Variants in TRAK1 observed in about 807,000 individuals in gnomAD.
The protein encoded by TRAK1 is trafficking kinesin protein 1, also known as trafficking kinesin-binding protein 1.
Under a neutral mutation model 92.1 loss-of-function variants are expected in TRAK1, and 33 were observed. That is an observed-to-expected ratio of 0.36 (90% CI 0.27 to 0.48). The LOEUF (loss-of-function observed/expected upper bound fraction) is 0.48, where lower values mean the gene tolerates loss of function less well. Ranked by LOEUF, TRAK1 falls within the 20% of genes least tolerant of loss-of-function variation. The pLI, the probability that TRAK1 is intolerant of heterozygous loss-of-function variation, is 0.99. For missense variants in TRAK1, 1,123 were observed against 1,257.9 expected, an observed-to-expected ratio of 0.89 and a Z score of 1.62; for synonymous variants, 521 against 517.3, an observed-to-expected ratio of 1.01 and a Z score of -0.10.
intron 2 of TRAK1, among the ~76,000 whole-genome samples, chr3:42,174,477 A>G (rs1702944323): frequency 6.6e-6 from 1 of 151,932 alleles, no homozygotes. Context: ...GATAAAGGGT[A>G]TACAGGATCC....
Position 42,219,585 on chromosome 3 carries a change from G to A in TRAK1, c.2055G>A (p.Arg685=). The change falls in exon 15 of 16, where the codon CGG becomes CGA. Residue 685 remains arginine (R), a synonymous_variant. Coordinates refer to ENST00000327628, the MANE Select transcript of TRAK1 (RefSeq NM_001042646.3). ...TGCATCCTTCAGATGAGCTCACTCG[G>A]GTCACACCAAGGTAAGGGACCCTGG... ...RILHPSDELT[R]VTPSLNSAPT... The A allele has an allele frequency of 6.2e-7, 1 of 1,613,750 alleles. No individual in the cohort carries two copies. Among genetic ancestry groups the A allele is most frequent in the Non-Finnish European group, 8.5e-7 (1 of 1,179,896 alleles).
At chr3:42,205,241 C>G (rs1708192994) in intron 13 of TRAK1, among the ~76,000 whole-genome samples, 2 of 152,216 alleles carry the variant, frequency 1.3e-5, no homozygotes, top group Non-Finnish European at 1.5e-5. Context: ...GAGATCTGGA[C>G]CAGCACTAGG....
intron 2 of TRAK1, 61 bp downstream of exon 2, chr3:42,125,675 G>T: frequency 6.4e-7 from 1 of 1,567,524 alleles, no homozygotes; most frequent in South Asian, 1.2e-5. Context: ...CTTAGCCATG[G>T]CCCCAAATAA....
At chr3:42,062,196 C>T (rs1214479905) in intron 1 of TRAK1, among the ~76,000 whole-genome samples, 1 of 152,178 alleles carries the variant, frequency 6.6e-6, no homozygotes, top group Non-Finnish European at 1.5e-5. Flanking sequence ...TTTCCAAAAG[C>T]AGGAGTACAG....
At chr3:42,043,492 C>T (rs1308189292) in intron 1 of TRAK1, among the ~76,000 whole-genome samples, 1 of 152,084 alleles carries the variant, frequency 6.6e-6, no homozygotes, top group Non-Finnish European at 1.5e-5. Context: ...TGACCTCATC[C>T]CCTCCACCCC....
In TRAK1 at chr3:42,128,134, G is replaced by C. The variant is rs772279985; in HGVS notation, c.286+2520G>C. On this transcript the variant is annotated intron_variant, in intron 2 of 15. Coordinates refer to ENST00000327628, the MANE Select transcript of TRAK1 (RefSeq NM_001042646.3). ...GCGGAGATTGTGGTGAGCTGAGATC[G>C]TGCCATTGTACTCCAGCCTGGGCAA... 2.6e-5 allele frequency among the ~76,000 whole-genome samples: 4 copies of C among 152,316 alleles called. No individual in the cohort carries two copies. The South Asian group carries it at 8.3e-4, about 32-fold the overall frequency.
intron 14 of TRAK1, chr3:42,211,648 T>C (rs1709045903): frequency 1.0e-6 from 1 of 985,258 alleles, no homozygotes; most frequent in African/African-American, 1.7e-5. Context: ...AGAAGCACCA[T>C]TAAGTGCATC....
At chr3:42,038,035 T>G (rs764070179) in intron 1 of TRAK1, among the ~76,000 whole-genome samples, 2 of 152,142 alleles carry the variant, frequency 1.3e-5, no homozygotes, top group Non-Finnish European at 2.9e-5. Context: ...GAGAGGTCAT[T>G]CAAAGGGATG....
At chr3:42,173,915 C>A (rs1182265386) in intron 2 of TRAK1, among the ~76,000 whole-genome samples, 1 of 152,178 alleles carries the variant, frequency 6.6e-6, no homozygotes, top group Admixed American at 6.6e-5. Context: ...ACATTTGCCA[C>A]CTGCTAGCTG....
At chr3:42,212,293 C>T (rs1709147464) in intron 14 of TRAK1, 2 of 985,258 alleles carry the variant, frequency 2.0e-6, no homozygotes, top group South Asian at 9.4e-5. Flanking sequence ...TTTTCTGTTA[C>T]CAAACAGCAC....
At chr3:42,212,212 A>T in intron 14 of TRAK1, 1 of 985,478 alleles carries the variant, frequency 1.0e-6, no homozygotes, top group Non-Finnish European at 1.2e-6. Flanking sequence ...GGCATGGGGC[A>T]TCCTCTGTCT....
chr3:42,061,206 T>C (rs1703424707), intron 1 of TRAK1, among the ~76,000 whole-genome samples: 1 of 152,116 alleles, frequency 6.6e-6, no homozygotes, highest in African/African-American at 2.4e-5. Context: ...GTTAACATCT[T>C]ACGTAACCAT....
At position 42,200,329 on chromosome 3, in the gene TRAK1, C is replaced by G. The variant is rs115904832; in HGVS notation, c.1191-489C>G. Among the ~76,000 whole-genome samples, 804 of 152,300 alleles carry G rather than the reference C, an allele frequency of 5.3e-3. 14 individuals are homozygous for G. The highest frequency in any genetic ancestry group is 0.018 in the African/African-American group (765 of 41,560). On this transcript the variant is annotated intron_variant, in intron 11 of 15. Transcript: ENST00000327628. The stretch of plus-strand genomic sequence containing the variant: ...ATTAGACAAATCTAGTATTTATCAT[C>G]TTATTATAGAAGTGAAAGACTAACT...
At chr3:42,220,555 T>C (rs533164527) in intron 15 of TRAK1, 47 of 985,408 alleles carry the variant, frequency 4.8e-5, no homozygotes, top group Middle Eastern at 5.2e-4. Flanking sequence ...AGAGGAGATA[T>C]AGGGCAGAGA....
chr3:42,072,308 A>G (rs556068720), intron 1 of TRAK1, among the ~76,000 whole-genome samples: 18 of 151,984 alleles, frequency 1.2e-4, no homozygotes, highest in African/African-American at 4.1e-4. Context: ...TGGGTCTTTC[A>G]GGTGGTGCAT....
At chr3:42,136,872 A>G (rs1049804599) in intron 2 of TRAK1, among the ~76,000 whole-genome samples, 1 of 152,074 alleles carries the variant, frequency 6.6e-6, no homozygotes, top group Non-Finnish European at 1.5e-5. Context: ...TAGTAAAGAC[A>G]GGGTTTCACC....
At chr3:42,120,187 C>T (rs1576457336) in intron 1 of TRAK1, among the ~76,000 whole-genome samples, 1 of 152,246 alleles carries the variant, frequency 6.6e-6, no homozygotes, top group South Asian at 2.1e-4. Context: ...TTGAGCCTGG[C>T]CTTTTGATGG....
intron 1 of TRAK1, among the ~76,000 whole-genome samples, chr3:42,114,416 T>A (rs1708896284): frequency 6.6e-6 from 1 of 152,258 alleles, no homozygotes; most frequent in Non-Finnish European, 1.5e-5. Flanking sequence ...TTTTTAACTT[T>A]GTCACGTGTA....
chr3:42,038,957 A>G (rs1702434375), intron 1 of TRAK1, among the ~76,000 whole-genome samples: 1 of 151,804 alleles, frequency 6.6e-6, no homozygotes, highest in Non-Finnish European at 1.5e-5. Flanking sequence ...CATATACCTT[A>G]CAGTTCATCC....
Sources: allele counts gnomAD v4.1 joint callset (sites outside exome capture counted in the v4.1 genomes callset), GRCh38; gene constraint gnomAD v4.1.1; transcripts MANE v1.5; gene names NCBI Gene and HGNC (gene_info 2026-07-23, HGNC 2026-07-21).